Variants in ST7L observed in about 807,000 individuals in gnomAD.
ST7L encodes suppressor of tumorigenicity 7 protein-like.
ST7L carries 57 observed loss-of-function variants against 72.5 expected under a neutral mutation model. The ratio of observed to expected loss-of-function variants is 0.79; its 90% CI spans 0.64 to 0.98. The LOEUF is 0.98. ST7L is among the 50% of genes least tolerant of loss of function. The probability of loss-of-function intolerance (pLI) is 0.00; values close to 1 mark genes in which losing one functional copy is unlikely to be tolerated. For missense variants in ST7L, 576 were observed against 672.2 expected (o/e 0.86, Z 1.58); for synonymous variants, 221 against 240.9 (o/e 0.92, Z 0.77).
chr1:112,583,920 A>G, intron 7 of ST7L, 52 bp downstream of exon 7: 8 of 1,561,324 alleles, frequency 5.1e-6, no homozygotes, highest in Non-Finnish European at 6.9e-6. Flanking sequence ...GTTAAGACAC[A>G]AGCAAATTAC....
chr1:112,586,967 T>A (rs1394266108), intron 6 of ST7L, among the ~76,000 whole-genome samples: 1 of 152,222 alleles, frequency 6.6e-6, no homozygotes, highest in African/African-American at 2.4e-5. Context: ...ATCCCAAATC[T>A]ATTTCTGCCT....
chr1:112,582,320 A>G (rs1664248725), intron 8 of ST7L, 55 bp downstream of exon 8: 2 of 1,336,970 alleles, frequency 1.5e-6, no homozygotes, highest in Admixed American at 2.0e-5. Flanking sequence ...CAACTTAACT[A>G]AATTTTTAGT....
chr1:112,571,104 A>G (rs1662041264), intron 11 of ST7L, among the ~76,000 whole-genome samples: 1 of 152,164 alleles, frequency 6.6e-6, no homozygotes, highest in Non-Finnish European at 1.5e-5. Flanking sequence ...CGGGAGGTGA[A>G]GGTTGCAGTG....
intron 11 of ST7L, among the ~76,000 whole-genome samples, chr1:112,572,083 G>A (rs186860394): frequency 7.5e-4 from 114 of 152,296 alleles, no homozygotes; most frequent in African/African-American, 2.7e-3. Flanking sequence ...TGGGTGACTA[G>A]GTACATTGTC....
At chr1:112,565,431 G>C (rs1377985890) in intron 11 of ST7L, among the ~76,000 whole-genome samples, 1 of 151,802 alleles carries the variant, frequency 6.6e-6, no homozygotes, top group Non-Finnish European at 1.5e-5. Flanking sequence ...CCAGTTATAA[G>C]GATTTACTAA....
chr1:112,564,800 A>C (rs969087678), intron 11 of ST7L, among the ~76,000 whole-genome samples: 3 of 146,482 alleles, frequency 2.0e-5, no homozygotes, highest in African/African-American at 7.7e-5. Context: ...CTGGGCAACA[A>C]GAGCAAAACT....
At chr1:112,616,983 G>A (rs1208921733) in intron 1 of ST7L, 88 bp from the exon 2 acceptor site, 2 of 838,482 alleles carry the variant, frequency 2.4e-6, no homozygotes, top group East Asian at 2.6e-5. Context: ...ATGAGTGGTG[G>A]GACTTAAGTA....
At chr1:112,552,112 C>A (rs1658304485) in intron 12 of ST7L, among the ~76,000 whole-genome samples, 1 of 152,076 alleles carries the variant, frequency 6.6e-6, no homozygotes, top group African/African-American at 2.4e-5. Flanking sequence ...TCACACACAC[C>A]CCCACACTCA....
At chr1:112,569,239 A>G (rs1219490964) in intron 11 of ST7L, among the ~76,000 whole-genome samples, 1 of 152,192 alleles carries the variant, frequency 6.6e-6, no homozygotes, top group East Asian at 1.9e-4. Flanking sequence ...AGAATTGAAA[A>G]ATTTATGTTC....
intron 12 of ST7L, among the ~76,000 whole-genome samples, chr1:112,553,233 A>AACACACACACACACACACACACACAC (rs71584746): frequency 6.3e-4 from 94 of 149,490 alleles, no homozygotes; most frequent in African/African-American, 2.3e-3. Flanking sequence ...CTTTTCTTTA[A>AACACACACACACACACACACACACAC]ACACACACAC....
intron 11 of ST7L, among the ~76,000 whole-genome samples, chr1:112,561,969 T>C (rs1660233191): frequency 1.1e-5 from 1 of 89,264 alleles, no homozygotes; most frequent in Non-Finnish European, 2.4e-5. Context: ...AAAACTTTAC[T>C]TTTTTTTTTT....
rs550329490 is a variant in ST7L at position 112,540,366 on chromosome 1, T to C, written c.1629+1585A>G. The C allele has an allele frequency of 2.4e-5, 24 of 985,444 alleles. No homozygotes were observed. In the East Asian group the frequency reaches 5.7e-4, roughly 23 times the overall value. The allele number at this position is 985,444 out of a possible 1,614,324, so 61.0% of individuals were successfully genotyped here. On this transcript the variant is annotated intron_variant, in intron 14 of 14. Coordinates refer to ENST00000358039, the MANE Select transcript of ST7L (RefSeq NM_017744.5). ...CATTTTTATTCGATGCCAGATTACATAGTAAGGTCATTTCAGTTTGAGATG... is the reference window on the plus strand; with the variant it reads ...CATTTTTATTCGATGCCAGATTACACAGTAAGGTCATTTCAGTTTGAGATG...
chr1:112,605,771 C>G (rs1668150356), intron 3 of ST7L, among the ~76,000 whole-genome samples: 1 of 152,140 alleles, frequency 6.6e-6, no homozygotes, highest in South Asian at 2.1e-4. Context: ...GGCAGTGTCA[C>G]CCCCATATCT....
intron 14 of ST7L, chr1:112,529,152 CTGAG>C (rs34136813): frequency 0.19 from 29,389 of 151,938 alleles, 3,517 homozygotes; most frequent in East Asian, 0.46. Flanking sequence ...CAGTGTGGCA[CTGAG>C]TGTGTGTGTG....
At chr1:112,592,862 AT>A (rs1400205071) in intron 5 of ST7L, among the ~76,000 whole-genome samples, 4 of 152,144 alleles carry the variant, frequency 2.6e-5, no homozygotes, top group Non-Finnish European at 5.9e-5. Context: ...ATCTAATTAA[AT>A]ATTTCCTTTC....
intron 11 of ST7L, among the ~76,000 whole-genome samples, chr1:112,569,980 A>T (rs891435570): frequency 6.6e-6 from 1 of 151,642 alleles, no homozygotes; most frequent in Non-Finnish European, 1.5e-5. Context: ...AAAAACAAAA[A>T]AACTATGAAA....
At chr1:112,531,529 A>G (rs1279133942) in intron 14 of ST7L, among the ~76,000 whole-genome samples, 1 of 152,220 alleles carries the variant, frequency 6.6e-6, no homozygotes, top group African/African-American at 2.4e-5. Context: ...ATTAGTCTAG[A>G]CTGACCTTTT....
chr1:112,520,264 C>G (rs565249597), downstream of ST7L: 3 of 1,610,684 alleles, frequency 1.9e-6, no homozygotes, highest in African/African-American at 2.7e-5. Context: ...CTCACTCCCT[C>G]TCTTCCCCAA....
At chr1:112,573,875 G>GAC (rs1662582525) in intron 11 of ST7L, among the ~76,000 whole-genome samples, 1 of 149,074 alleles carries the variant, frequency 6.7e-6, no homozygotes, top group African/African-American at 2.5e-5. Context: ...GCCTGGGCAT[G>GAC]AGAGCAAGAC....
Sources: allele counts gnomAD v4.1 joint callset (sites outside exome capture counted in the v4.1 genomes callset), GRCh38; gene constraint gnomAD v4.1.1; transcripts MANE v1.5; gene names NCBI Gene and HGNC (gene_info 2026-07-23, HGNC 2026-07-21).